Variants in DMD observed in about 807,000 individuals in gnomAD.
DMD encodes mutant dystrophin.
In DMD, 63 loss-of-function variants were observed where a neutral mutation model predicts 330.1. The observed-to-expected ratio is 0.19, with a 90% CI of 0.16 to 0.24. The LOEUF is 0.24. Among genes scored for constraint, DMD ranks in the 10% least tolerant of loss-of-function variants. DMD has a pLI of 1.00. For synonymous variants in DMD, 1,223 were observed against 959.8 expected (o/e 1.27, Z -5.07); for missense variants, 3,344 against 2,684.1 (o/e 1.25, Z -5.43).
At chrX:32,481,862 C>A (rs1375396773) in intron 21 of DMD, among the ~76,000 whole-genome samples, 14 of 111,857 alleles carry the variant, frequency 1.3e-4, no homozygotes, top group Admixed American at 1.2e-3. Context: ...TAGTGCCCAG[C>A]ACTTTTACGG....
intron 55 of DMD, among the ~76,000 whole-genome samples, chrX:31,587,023 T>C (rs1288421186): frequency 8.9e-6 from 1 of 111,753 alleles, no homozygotes; most frequent in African/African-American, 3.3e-5. Context: ...AAAAATATTT[T>C]AGACTGACAA....
At chrX:31,965,465 A>G (rs143100472) in intron 45 of DMD, among the ~76,000 whole-genome samples, 1,774 of 112,095 alleles carry the variant, frequency 0.016, 38 homozygotes, top group African/African-American at 0.055. Flanking sequence ...AGATGTGTAC[A>G]TATCTGTGAC....
chrX:33,248,725 G>A (rs186594096), intron 1 of DMD, among the ~76,000 whole-genome samples: 3 of 111,964 alleles, frequency 2.7e-5, no homozygotes, highest in African/African-American at 9.7e-5. Flanking sequence ...AAAATGAAAA[G>A]TATTGTTAGT....
chrX:31,955,021 A>AG (rs1437695314), intron 45 of DMD, among the ~76,000 whole-genome samples: 1 of 106,357 alleles, frequency 9.4e-6, no homozygotes, highest in African/African-American at 3.4e-5. Context: ...AAAAAAAAAA[A>AG]AAGAAATAGC....
At chrX:31,924,903 A>T (rs2094747324) in intron 47 of DMD, among the ~76,000 whole-genome samples, 2 of 112,014 alleles carry the variant, frequency 1.8e-5, no homozygotes, top group South Asian at 7.3e-4. Flanking sequence ...TACTGTTTAC[A>T]TGTAAAATGC....
At chrX:31,995,037 C>A (rs759291234) in intron 44 of DMD, among the ~76,000 whole-genome samples, 2 of 112,045 alleles carry the variant, frequency 1.8e-5, no homozygotes, top group South Asian at 7.5e-4. Flanking sequence ...CTGGGCAATA[C>A]GAGAAGGCTC....
intron 44 of DMD, among the ~76,000 whole-genome samples, chrX:32,008,274 T>C (rs2095678351): frequency 9.0e-6 from 1 of 111,503 alleles, no homozygotes; most frequent in African/African-American, 3.3e-5. Context: ...TTGCAAATGA[T>C]ATAAAGAGGG....
At chrX:33,000,433 T>C (rs888136973) in intron 2 of DMD, among the ~76,000 whole-genome samples, 3 of 112,498 alleles carry the variant, frequency 2.7e-5, no homozygotes, top group East Asian at 2.8e-4. Flanking sequence ...GATTCCTCTA[T>C]AGTTACATTT....
At chrX:31,810,010 A>G (rs2092411982) in intron 50 of DMD, among the ~76,000 whole-genome samples, 1 of 109,565 alleles carries the variant, frequency 9.1e-6, no homozygotes, top group Non-Finnish European at 1.9e-5. Flanking sequence ...TTATTATTAC[A>G]TGGGAAGGTT....
chrX:32,640,790 C>A (rs12009363), intron 11 of DMD, among the ~76,000 whole-genome samples: 16,566 of 111,034 alleles, frequency 0.15, 2,879 homozygotes, highest in African/African-American at 0.5. Context: ...CAGTGGCCTT[C>A]CTGATAGGTT....
At chrX:31,374,437 G>C (rs753886752) in intron 60 of DMD, among the ~76,000 whole-genome samples, 99 of 110,094 alleles carry the variant, frequency 9.0e-4, no homozygotes, top group African/African-American at 3.1e-3. Flanking sequence ...GTCCAACAAT[G>C]ATAGGCTGGA....
intron 1 of DMD, among the ~76,000 whole-genome samples, chrX:33,053,910 A>G (rs2148024959): frequency 8.9e-6 from 1 of 111,759 alleles, no homozygotes; most frequent in South Asian, 3.8e-4. Flanking sequence ...GAGGCCAATT[A>G]ATGGAGAGAT....
intron 62 of DMD, among the ~76,000 whole-genome samples, chrX:31,295,237 C>T (rs886849933): frequency 9.0e-6 from 1 of 110,528 alleles, no homozygotes; most frequent in Non-Finnish European, 1.9e-5. Flanking sequence ...CCTTGTGATC[C>T]GCCCACCTCG....
At chrX:32,744,710 C>T (rs940905640) in intron 7 of DMD, among the ~76,000 whole-genome samples, 1 of 111,558 alleles carries the variant, frequency 9.0e-6, no homozygotes, top group Admixed American at 9.6e-5. Flanking sequence ...TCCTTAAGTC[C>T]CATCAATGAA....
chrX:33,242,882 A>G (rs759727791), intron 1 of DMD, among the ~76,000 whole-genome samples: 2 of 112,182 alleles, frequency 1.8e-5, no homozygotes, highest in Admixed American at 1.9e-4. Context: ...TTTGTTGGCC[A>G]TCTGTAGATC....
chrX:32,392,023 G>C (rs1001713494), intron 30 of DMD, among the ~76,000 whole-genome samples: 46 of 111,775 alleles, frequency 4.1e-4, no homozygotes, highest in African/African-American at 1.3e-3. Flanking sequence ...AGAATCATCA[G>C]AATCTCTCTC....
chrX:31,401,918 A>G (rs2061209479), intron 60 of DMD, among the ~76,000 whole-genome samples: 1 of 111,322 alleles, frequency 9.0e-6, no homozygotes, highest in South Asian at 3.8e-4. Flanking sequence ...CCCCAAGACT[A>G]CTATTTACTG....
At chrX:31,925,165 A>C (rs778011854) in intron 47 of DMD, among the ~76,000 whole-genome samples, 1 of 112,103 alleles carries the variant, frequency 8.9e-6, no homozygotes, top group African/African-American at 3.2e-5. Context: ...GCAAAAACTC[A>C]TATAGTTTTT....
intron 63 of DMD, among the ~76,000 whole-genome samples, chrX:31,258,453 G>C (rs1369656502): frequency 1.8e-5 from 2 of 112,831 alleles, no homozygotes; most frequent in Non-Finnish European, 3.7e-5. Context: ...ACTCTGAAAG[G>C]TGAAAAGCAA....
Sources: gnomAD v4.1 joint callset for allele counts (sites outside exome capture counted in the v4.1 genomes callset) on GRCh38, gnomAD v4.1.1 for gene constraint, MANE v1.5 for transcripts, NCBI Gene and HGNC (gene_info 2026-07-23, HGNC 2026-07-21) for gene names.